WHAMM: variants seen among roughly 807,000 people sequenced by gnomAD.
WHAMM encodes the protein WASP homolog associated with actin, golgi membranes and microtubules.
In WHAMM, 67 loss-of-function variants were observed where a neutral mutation model predicts 76.5. That is an observed-to-expected ratio of 0.88 (90% CI 0.72 to 1.07). The LOEUF (loss-of-function observed/expected upper bound fraction) is 1.07, where lower values mean the gene tolerates loss of function less well. WHAMM is among the 50% of genes least tolerant of loss of function. WHAMM has a pLI of 0.00. For missense variants in WHAMM, 1,021 were observed against 1,051.1 expected (o/e 0.97, Z 0.40); for synonymous variants, 419 against 422.1 (o/e 0.99, Z 0.09).
intron 2 of WHAMM, among the ~76,000 whole-genome samples, chr15:82,815,108 ATT>A (rs1358122474): frequency 1.5e-5 from 1 of 66,868 alleles, no homozygotes; most frequent in African/African-American, 5.8e-5. Context: ...TCACTCACAG[ATT>A]TTATATATAT....
At chr15:82,820,021 T>C (rs2379996) in intron 5 of WHAMM, among the ~76,000 whole-genome samples, 74,278 of 150,572 alleles carry the variant, frequency 0.49, 18,327 homozygotes, top group Middle Eastern at 0.53. Context: ...GACTCCATCT[T>C]GAAAAGGAAA....
At chr15:82,816,965 A>G (rs1221788041) in intron 3 of WHAMM, 123 bp downstream of exon 3, 2 of 964,494 alleles carry the variant, frequency 2.1e-6, no homozygotes, top group East Asian at 5.4e-5. Context: ...ATTCAGTGTC[A>G]AGCGTTAAGA....
intron 2 of WHAMM, among the ~76,000 whole-genome samples, chr15:82,815,155 A>ATATATATATATATATG (rs55807384): frequency 2.2e-5 from 1 of 46,150 alleles, no homozygotes; most frequent in African/African-American, 9.1e-5. Context: ...ATATATATAT[A>ATATATATATATATATG]GTACAATTCA....
In WHAMM at chr15:82,826,472, T is replaced by C; in HGVS notation, c.1521T>C (p.Ser507=). 1 of 1,613,976 alleles carries C rather than the reference T, an allele frequency of 6.2e-7. No homozygotes were observed. The highest frequency in any genetic ancestry group is 1.6e-4 in the Middle Eastern group (1 of 6,062). Reference sequence around the variant, plus strand: ...AGGCTGAAGAAAGCATAAGATACTCTCGTCAGCATCACAGTATTCAGATGG... The same window carrying C: ...AGGCTGAAGAAAGCATAAGATACTCCCGTCAGCATCACAGTATTCAGATGG... The part of the protein sequence containing the change: ...LQQAEESIRY[S]RQHHSIQMKR... The change falls in exon 7 of 10, where the codon TCT becomes TCC. Residue 507 remains serine (S), a synonymous_variant. Coordinates refer to ENST00000286760, the MANE Select transcript of WHAMM (RefSeq NM_001080435.3).
intron 2 of WHAMM, among the ~76,000 whole-genome samples, chr15:82,814,480 T>C (rs1253817294): frequency 2.6e-5 from 4 of 152,230 alleles, no homozygotes; most frequent in Non-Finnish European, 5.9e-5. Context: ...GATAGAGTTT[T>C]GCTCTTGTTA....
intron 8 of WHAMM, among the ~76,000 whole-genome samples, chr15:82,827,387 C>G (rs2050953227): frequency 6.6e-6 from 1 of 151,368 alleles, no homozygotes; most frequent in Non-Finnish European, 1.5e-5. Flanking sequence ...TTTGTATTTC[C>G]TCCACAAAAT....
intron 2 of WHAMM, among the ~76,000 whole-genome samples, chr15:82,815,154 T>TATATATATATATAA (rs1421574593): frequency 4.9e-5 from 1 of 20,494 alleles, no homozygotes; most frequent in African/African-American, 2.7e-4. Flanking sequence ...TATATATATA[T>TATATATATATATAA]AGTACAATTC....
chr15:82,813,220 T>A lies in WHAMM; in HGVS notation c.727T>A (p.Leu243Met). The change falls in exon 2 of 10, where the codon TTG (leucine) becomes ATG (methionine). Residue 243 changes from leucine to methionine, a missense_variant. Physicochemically the swap from Leu to Met is conservative, Grantham distance 15 (BLOSUM62 2). Transcript: ENST00000286760. ...TVATMFFQYLLQPFRAMREVA... is the reference protein window; with the variant it reads ...TVATMFFQYLMQPFRAMREVA... ...GGCAACCATGTTCTTCCAGTACTTA[T>A]TGCAGCCATTTAGGGCTATGCGAGA... 1 of 1,611,784 alleles carries A rather than the reference T, an allele frequency of 6.2e-7. No homozygotes were observed. The highest frequency in any genetic ancestry group is 8.5e-7 in the Non-Finnish European group (1 of 1,179,138).
At chr15:82,812,248 G>A (rs2050640317) in intron 1 of WHAMM, among the ~76,000 whole-genome samples, 2 of 152,188 alleles carry the variant, frequency 1.3e-5, no homozygotes. Flanking sequence ...TTTTTTTCGA[G>A]ATGGAGTCTT....
intron 2 of WHAMM, among the ~76,000 whole-genome samples, chr15:82,814,098 T>C (rs1268970754): frequency 1.3e-5 from 2 of 152,222 alleles, no homozygotes; most frequent in East Asian, 3.8e-4. Context: ...TTTTAGTAAA[T>C]GCTGTTATCA....
In WHAMM at chr15:82,809,984, G is replaced by A. The variant is rs1315145605; in HGVS notation, c.258G>A (p.Gly86=). 5.5e-6 allele frequency: 7 copies of A among 1,282,158 alleles called. No homozygotes were observed. Among genetic ancestry groups the A allele is most frequent in the East Asian group, 3.2e-5 (1 of 31,224 alleles). 79.4% of individuals were successfully genotyped at this position (1,282,158 alleles called of 1,614,324 possible). The change falls in exon 1 of 10, where the codon GGG becomes GGA. Residue 86 remains glycine (G), a synonymous_variant. Transcript: ENST00000286760. ...SSWAGLLSAA[G]LRGAHRQLAA... The stretch of plus-strand genomic sequence containing the variant: ...GGGCCGGCCTGCTCTCGGCCGCGGG[G>A]CTCCGCGGCGCGCACCGGCAGTTGG...
chr15:82,821,360 G>A (rs1002216687), intron 5 of WHAMM, among the ~76,000 whole-genome samples: 3 of 151,958 alleles, frequency 2.0e-5, no homozygotes, highest in Admixed American at 1.3e-4. Flanking sequence ...TTTTCTTTTC[G>A]TATGTTTATG....
chr15:82,833,144 G>A, intron 9 of WHAMM, 85 bp from the exon 10 acceptor site: 1 of 1,403,636 alleles, frequency 7.1e-7, no homozygotes, highest in Non-Finnish European at 9.6e-7. Context: ...TTAACTGATA[G>A]GAGATTTCAC....
rs1223775502 is a variant in WHAMM, at chr15:82,833,508, A to G, written c.2402A>G (p.Glu801Gly). 1.2e-6 allele frequency: 2 copies of G among 1,613,870 alleles called. No homozygotes were observed. Among genetic ancestry groups the G allele is most frequent in the Non-Finnish European group, 1.7e-6 (2 of 1,179,852 alleles). The stretch of plus-strand genomic sequence containing the variant: ...GCTGACTCTGAGGAGGACAGTGATG[A>G]GCAGGACCCTGGCCAGTGGGATGGT... ...VSADSEEDSDEQDPGQWDG is the reference protein window; with the variant it reads ...VSADSEEDSDGQDPGQWDG Residue 801 changes from glutamate (E) to glycine (G), a missense_variant, in exon 10 of 10, where the codon GAG becomes GGG. Physicochemically the swap from Glu to Gly is moderately conservative, Grantham distance 98. This residue lies in a region of WHAMM where 509 missense variants were observed against 492.3 expected (regional missense o/e 1.03). Coordinates refer to ENST00000286760, the MANE Select transcript of WHAMM (RefSeq NM_001080435.3).
At position 82,815,135 on chromosome 15, in the gene WHAMM, AT is replaced by A. The variant is rs1442091926; in HGVS notation, c.784-1556del. 4.1e-3 allele frequency among the ~76,000 whole-genome samples: 131 copies of A among 32,336 alleles called. 7 individuals are homozygous for A. The highest frequency in any genetic ancestry group is 0.019 in the African/African-American group (94 of 5,046). 21.2% of individuals were successfully genotyped at this position (32,336 alleles called of 152,430 possible). On this transcript the variant is annotated intron_variant, in intron 2 of 9. Transcript: ENST00000286760. ...TTTATATATATATATATATATATAT[AT>A]ATATATATATATATATATAGTACAA... is the stretch of plus-strand genomic sequence containing the variant.
intron 8 of WHAMM, among the ~76,000 whole-genome samples, chr15:82,829,659 GGT>G (rs141826796): frequency 6.6e-6 from 1 of 151,278 alleles, no homozygotes; most frequent in Non-Finnish European, 1.5e-5. Flanking sequence ...GATTGCATGG[GGT>G]GTGTGTGTGT....
At chr15:82,810,870 C>T (rs2050616577) in intron 1 of WHAMM, among the ~76,000 whole-genome samples, 2 of 152,018 alleles carry the variant, frequency 1.3e-5, no homozygotes, top group African/African-American at 4.8e-5. Context: ...TTGGAATGAC[C>T]GCATTAGTGC....
chr15:82,816,565 A>G (rs1314785319), intron 2 of WHAMM, 127 bp from the exon 3 acceptor site: 5 of 892,574 alleles, frequency 5.6e-6, no homozygotes, highest in African/African-American at 1.7e-5. Context: ...TGCTGAATGA[A>G]TGAAAATTTA....
chr15:82,833,490 C>T lies in WHAMM; in HGVS notation c.2384C>T (p.Ser795Phe), dbSNP rs376698866. The T allele has an allele frequency of 7.9e-5, 127 of 1,613,988 alleles. No homozygotes were observed. In the African/African-American group the frequency reaches 1.6e-3, roughly 20 times the overall value. Residue 795 changes from serine (S) to phenylalanine (F), a missense_variant, in exon 10 of 10, where the codon TCT (serine) becomes TTT (phenylalanine). Coordinates refer to ENST00000286760, the MANE Select transcript of WHAMM (RefSeq NM_001080435.3). ...AGAATCAAGAGGGTGTCTGCTGACT[C>T]TGAGGAGGACAGTGATGAGCAGGAC... ...LQRIKRVSAD[S>F]EEDSDEQDPG...
Sources: allele counts gnomAD v4.1 joint callset (sites outside exome capture counted in the v4.1 genomes callset), GRCh38; gene constraint gnomAD v4.1.1; regional missense constraint gnomAD v4.1.1; transcripts MANE v1.5; gene names NCBI Gene and HGNC (gene_info 2026-07-23, HGNC 2026-07-21).